Variants in GDPD1 observed in about 807,000 individuals in gnomAD.
GDPD1 encodes lysophospholipase D GDPD1.
GDPD1 carries 28 observed loss-of-function variants against 45.1 expected under a neutral mutation model. The ratio of observed to expected loss-of-function variants is 0.62; its 90% CI spans 0.46 to 0.85. The LOEUF (loss-of-function observed/expected upper bound fraction) is 0.85. Among genes scored for constraint, GDPD1 ranks in the 40% least tolerant of loss-of-function variants. GDPD1 has a pLI of 0.00. For synonymous variants in GDPD1, 139 were observed against 131.4 expected, an observed-to-expected ratio of 1.06 and a Z score of -0.40; for missense variants, 256 against 364.8, an observed-to-expected ratio of 0.70 and a Z score of 2.43.
At chr17:59,232,824 C>G (rs867898487) in intron 1 of GDPD1, among the ~76,000 whole-genome samples, 9 of 152,130 alleles carry the variant, frequency 5.9e-5, no homozygotes, top group Non-Finnish European at 1.0e-4. Flanking sequence ...GCAGAATTCC[C>G]CCTCACTCCT....
intron 2 of GDPD1, among the ~76,000 whole-genome samples, chr17:59,241,878 A>C (rs972294117): frequency 6.6e-6 from 1 of 151,642 alleles, no homozygotes; most frequent in Non-Finnish European, 1.5e-5. Context: ...CAGTGAGCCG[A>C]GATTGTGCCA....
At chr17:59,253,960 C>T in intron 4 of GDPD1, among the ~76,000 whole-genome samples, 1 of 151,400 alleles carries the variant, frequency 6.6e-6, no homozygotes, top group East Asian at 1.9e-4. Context: ...CTGGATAATG[C>T]CTATAATCCC....
intron 4 of GDPD1, 70 bp from the exon 5 acceptor site, chr17:59,257,052 A>G (rs929582987): frequency 5.5e-6 from 4 of 730,818 alleles, no homozygotes; most frequent in Non-Finnish European, 9.1e-6. Context: ...AATATATACA[A>G]TACCTTCTCT....
intron 6 of GDPD1, among the ~76,000 whole-genome samples, chr17:59,264,172 T>C (rs1464419980): frequency 2.0e-5 from 3 of 151,814 alleles, no homozygotes; most frequent in African/African-American, 7.3e-5. Context: ...CTAATTTTTG[T>C]ATTTTTTAGT....
intron 2 of GDPD1, among the ~76,000 whole-genome samples, chr17:59,239,645 C>T (rs948428162): frequency 6.6e-5 from 10 of 151,870 alleles, no homozygotes; most frequent in Admixed American, 2.6e-4. Context: ...TTGTCAATAA[C>T]AATAAGCATA....
chr17:59,221,938 A>T (rs1355585261), intron 1 of GDPD1, among the ~76,000 whole-genome samples: 1 of 152,220 alleles, frequency 6.6e-6, no homozygotes, highest in Non-Finnish European at 1.5e-5. Context: ...TAATTTTATT[A>T]GTTAAGCATA....
chr17:59,220,528 C>T lies in GDPD1; in HGVS notation c.-82C>T. 11 of 1,405,634 alleles carry T rather than the reference C, an allele frequency of 7.8e-6. No individual in the cohort carries two copies. Among genetic ancestry groups the T allele is most frequent in the Non-Finnish European group, 1.1e-5 (11 of 1,029,288 alleles). 87.1% of individuals were successfully genotyped at this position (1,405,634 alleles called of 1,614,324 possible). On this transcript the variant is annotated 5_prime_UTR_variant, in exon 1 of 10. Coordinates refer to ENST00000284116, the MANE Select transcript of GDPD1 (RefSeq NM_182569.4). ...CTGGGGGCGAGCCGACCTCGAGCAG[C>T]CGCCGCCGCCGCCGTCGTTGCTACT... is the stretch of plus-strand genomic sequence containing the variant.
At chr17:59,234,448 A>T (rs1418823537) in intron 1 of GDPD1, 44 bp from the exon 2 acceptor site, 2 of 1,265,046 alleles carry the variant, frequency 1.6e-6, no homozygotes, top group Admixed American at 3.8e-5. Flanking sequence ...CTTCAGGAAA[A>T]TTAAAATGTT....
chr17:59,231,324 C>CTTTTTTTTTTTTTTT (rs557850341), intron 1 of GDPD1, among the ~76,000 whole-genome samples: 1 of 114,422 alleles, frequency 8.7e-6, no homozygotes, highest in Non-Finnish European at 1.7e-5. Context: ...TTCTTTCTTT[C>CTTTTTTTTTTTTTTT]TTTTTTTTTT....
chr17:59,252,276 C>T (rs1292231856), intron 4 of GDPD1, among the ~76,000 whole-genome samples: 1 of 151,528 alleles, frequency 6.6e-6, no homozygotes, highest in Admixed American at 6.6e-5. Flanking sequence ...TTGAGATGAG[C>T]TTTTGCTTCT....
chr17:59,240,079 G>A (rs889825596), intron 2 of GDPD1, among the ~76,000 whole-genome samples: 1 of 152,028 alleles, frequency 6.6e-6, no homozygotes, highest in African/African-American at 2.4e-5. Flanking sequence ...GATCAGGAGG[G>A]CAGGAGTTCG....
chr17:59,269,448 C>G (rs1167772141), intron 7 of GDPD1, among the ~76,000 whole-genome samples: 1 of 149,660 alleles, frequency 6.7e-6, no homozygotes, highest in Admixed American at 6.7e-5. Context: ...GTTTCTCAGA[C>G]AAAACAATAG....
rs1444005673 is a variant in GDPD1, at chr17:59,220,546, T to A, written c.-64T>A. On this transcript the variant is annotated 5_prime_UTR_variant, in exon 1 of 10. The change creates a new upstream start codon in the 5' untranslated region. Coordinates refer to ENST00000284116, the MANE Select transcript of GDPD1 (RefSeq NM_182569.4). Reference sequence around the variant, plus strand: ...CGAGCAGCCGCCGCCGCCGCCGTCGTTGCTACTGCCGCAGCGGAGTTCAGA... The same window carrying A: ...CGAGCAGCCGCCGCCGCCGCCGTCGATGCTACTGCCGCAGCGGAGTTCAGA... The A allele has an allele frequency of 6.4e-7, 1 of 1,557,650 alleles. No individual in the cohort carries two copies. Among genetic ancestry groups the A allele is most frequent in the African/African-American group, 1.4e-5 (1 of 72,968 alleles).
At chr17:59,254,527 C>T (rs2047281892) in intron 4 of GDPD1, among the ~76,000 whole-genome samples, 8 of 151,970 alleles carry the variant, frequency 5.3e-5, no homozygotes, top group Admixed American at 5.3e-4. Context: ...GAGACCCTGT[C>T]TCAAAATATA....
chr17:59,248,872 C>G, intron 4 of GDPD1, 87 bp downstream of exon 4: 1 of 950,272 alleles, frequency 1.1e-6, no homozygotes, highest in Non-Finnish European at 1.6e-6. Context: ...CTAAAAGTAA[C>G]TGACCTCTAA....
chr17:59,257,728 A>C (rs2047320089), intron 5 of GDPD1, 23 bp from the exon 6 acceptor site: 1 of 1,556,078 alleles, frequency 6.4e-7, no homozygotes, highest in Non-Finnish European at 8.8e-7. Context: ...CACATGCATA[A>C]AATTTTGAAT....
intron 2 of GDPD1, among the ~76,000 whole-genome samples, chr17:59,239,120 T>C (rs1382381295): frequency 1.3e-5 from 2 of 152,362 alleles, no homozygotes; most frequent in African/African-American, 4.8e-5. Context: ...GAAGTGTAAG[T>C]TGGCAGACAG....
chr17:59,267,413 GAATTT>G (rs1386619693), intron 7 of GDPD1, among the ~76,000 whole-genome samples: 2 of 152,024 alleles, frequency 1.3e-5, no homozygotes, highest in Non-Finnish European at 2.9e-5. Flanking sequence ...CAGATAAAAG[GAATTT>G]AATTTAATTA....
chr17:59,268,914 C>T (rs2047422085), intron 7 of GDPD1, among the ~76,000 whole-genome samples: 3 of 151,284 alleles, frequency 2.0e-5, no homozygotes, highest in Non-Finnish European at 4.4e-5. Context: ...CGCCTGAACA[C>T]GGGGGGCAGA....
Sources: allele counts gnomAD v4.1 joint callset (sites outside exome capture counted in the v4.1 genomes callset), GRCh38; gene constraint gnomAD v4.1.1; transcripts MANE v1.5; gene names NCBI Gene and HGNC (gene_info 2026-07-23, HGNC 2026-07-21).